Variants in DLD observed in about 807,000 individuals in gnomAD.
DLD encodes the protein dihydrolipoyl dehydrogenase, mitochondrial.
A neutral mutation model predicts 62.2 loss-of-function variants in DLD; 36 were observed. That is an observed-to-expected ratio of 0.58 (90% confidence interval 0.44 to 0.76). The LOEUF (loss-of-function observed/expected upper bound fraction) is 0.76. DLD is among the 30% of genes least tolerant of loss of function. The pLI, the probability that DLD is intolerant of heterozygous loss-of-function variation, is 0.00. For missense variants in DLD, 541 were observed against 608.6 expected, an observed-to-expected ratio of 0.89 and a Z score of 1.17; for synonymous variants, 204 against 199.6, an observed-to-expected ratio of 1.02 and a Z score of -0.19.
chr7:107,909,446 A>C (rs2032086500), intron 8 of DLD, among the ~76,000 whole-genome samples: 1 of 152,240 alleles, frequency 6.6e-6, no homozygotes. Flanking sequence ...CTGACAGTAC[A>C]GTCTTTCACC....
rs780689525 is a variant in DLD, at chr7:107,919,062, C to G, written c.1427C>G (p.Ser476Cys). The change falls in exon 13 of 14, where the codon TCC becomes TGC. Residue 476 changes from serine to cysteine, a missense_variant. Transcript: ENST00000205402. ...EAALALEYGA[S>C]CEDIARVCHA... ...GCTCTTGCTTTGGAATATGGAGCAT[C>G]CTGTGAAGATATAGCTAGAGTCTGT... 5.6e-6 allele frequency: 9 copies of G among 1,613,794 alleles called. No homozygotes were observed. The highest frequency in any genetic ancestry group is 7.6e-6 in the Non-Finnish European group (9 of 1,179,862).
At chr7:107,908,477 G>A (rs1314174192) in intron 8 of DLD, among the ~76,000 whole-genome samples, 1 of 151,844 alleles carries the variant, frequency 6.6e-6, no homozygotes, top group African/African-American at 2.4e-5. Flanking sequence ...AGACTAGCCT[G>A]GGCAACAATG....
At chr7:107,896,387 T>G (rs1352240430) in intron 2 of DLD, among the ~76,000 whole-genome samples, 7 of 152,202 alleles carry the variant, frequency 4.6e-5, no homozygotes, top group African/African-American at 7.2e-5. Context: ...TCTCTGATCC[T>G]CACAACCCTA....
chr7:107,891,415 C>G, intron 1 of DLD, 126 bp downstream of exon 1: 1 of 1,063,408 alleles, frequency 9.4e-7, no homozygotes, highest in African/African-American at 1.6e-5. Flanking sequence ...CCACCCCTGG[C>G]CCCGCCTCTG....
At chr7:107,905,784 G>A in intron 7 of DLD, 1 of 444,344 alleles carries the variant, frequency 2.3e-6, no homozygotes, top group Non-Finnish European at 4.1e-6. Flanking sequence ...TTTTTAATGG[G>A]ATTTGATGAA....
intron 2 of DLD, among the ~76,000 whole-genome samples, chr7:107,896,612 A>C (rs2031730905): frequency 6.6e-6 from 1 of 152,332 alleles, no homozygotes; most frequent in Non-Finnish European, 1.5e-5. Flanking sequence ...GTTTTGGGTG[A>C]TAACAAGTAT....
At chr7:107,891,486 C>T in intron 1 of DLD, 197 bp downstream of exon 1, 1 of 645,142 alleles carries the variant, frequency 1.6e-6, no homozygotes, top group Non-Finnish European at 2.7e-6. Context: ...AGGCGAGGGA[C>T]GGGGCTGGGC....
At chr7:107,895,387 C>A (rs2031695136) in intron 2 of DLD, among the ~76,000 whole-genome samples, 2 of 152,196 alleles carry the variant, frequency 1.3e-5, no homozygotes, top group South Asian at 4.1e-4. Context: ...TCTGAATAGC[C>A]TTATGAACCA....
chr7:107,891,373 T>G, intron 1 of DLD, 84 bp downstream of exon 1: 6 of 1,465,328 alleles, frequency 4.1e-6, no homozygotes, highest in Non-Finnish European at 5.5e-6. Context: ...CTTAACCGTG[T>G]TGGGCTGGCG....
Position 107,905,026 on chromosome 7 carries a change from G to C in DLD, c.406G>C (p.Gly136Arg). 5 of 1,612,764 alleles carry C rather than the reference G, an allele frequency of 3.1e-6. No individual in the cohort carries two copies. The highest frequency in any genetic ancestry group is 4.2e-6 in the Non-Finnish European group (5 of 1,179,136). The change falls in exon 6 of 14, where the codon GGT (glycine) becomes CGT (arginine). Residue 136 changes from glycine to arginine, a missense_variant. By Grantham distance (125) the Gly-to-Arg change is moderately radical. Coordinates refer to ENST00000205402, the MANE Select transcript of DLD (RefSeq NM_000108.5). ...GAGTACTGCAGTAAAAGCTTTAACA[G>C]GTGGAATTGCCCACTTATTCAAACA... Reference protein sequence around the residue: ...QKSTAVKALTGGIAHLFKQNK... With the variant: ...QKSTAVKALTRGIAHLFKQNK...
At chr7:107,915,864 T>C (rs1455478318) in intron 9 of DLD, among the ~76,000 whole-genome samples, 168 bp downstream of exon 9, 1 of 152,170 alleles carries the variant, frequency 6.6e-6, no homozygotes, top group Non-Finnish European at 1.5e-5. Flanking sequence ...ACATTGAAAT[T>C]TATGATTAGG....
intron 2 of DLD, among the ~76,000 whole-genome samples, chr7:107,894,037 A>G (rs545836408): frequency 6.6e-6 from 1 of 152,368 alleles, no homozygotes; most frequent in South Asian, 2.1e-4. Context: ...TTTAAAGATT[A>G]GCAGGATCTA....
At position 107,903,496 on chromosome 7, in the gene DLD, CATT is replaced by C; in HGVS notation, c.291_293del (p.Tyr98del). 6.3e-7 allele frequency: 1 copy of C among 1,590,760 alleles called. No homozygotes were observed. The highest frequency in any genetic ancestry group is 8.6e-7 in the Non-Finnish European group (1 of 1,159,414). On this transcript the variant is annotated inframe_deletion, in exon 5 of 14. Transcript: ENST00000205402. Reference sequence around the variant, plus strand: ...CCTTTAGGCTTTATTGAACAACTCTCATTATTACCATATGGCCCATGGAAAAGA... The same window carrying C: ...CCTTTAGGCTTTATTGAACAACTCTCATTACCATATGGCCCATGGAAAAGA...
chr7:107,905,638 G>A (rs2031988238), intron 7 of DLD, 134 bp downstream of exon 7: 3 of 951,356 alleles, frequency 3.2e-6, no homozygotes, highest in Non-Finnish European at 4.9e-6. Context: ...TCAGCTTTGG[G>A]AAGTTACCTG....
At chr7:107,909,346 T>G (rs1248252633) in intron 8 of DLD, among the ~76,000 whole-genome samples, 2 of 152,232 alleles carry the variant, frequency 1.3e-5, no homozygotes, top group African/African-American at 4.8e-5. Context: ...TGCAGTCCCA[T>G]CATCTGATCT....
At chr7:107,901,860 G>A (rs1373141230) in intron 3 of DLD, 43 bp downstream of exon 3, 2 of 1,511,382 alleles carry the variant, frequency 1.3e-6, no homozygotes, top group Non-Finnish European at 1.8e-6. Context: ...ATTTTAATTT[G>A]GGAAGGGTTG....
chr7:107,906,419 T>G (rs1365994905), intron 8 of DLD, 51 bp downstream of exon 8: 1 of 1,174,092 alleles, frequency 8.5e-7, no homozygotes, highest in Non-Finnish European at 1.3e-6. Context: ...TGGAAGGGAC[T>G]TAAAGGTCCC....
intron 2 of DLD, among the ~76,000 whole-genome samples, chr7:107,895,556 T>C (rs1386671272): frequency 6.6e-6 from 1 of 152,258 alleles, no homozygotes; most frequent in African/African-American, 2.4e-5. Flanking sequence ...CAAATACTAA[T>C]ATCTACTATG....
At chr7:107,891,652 C>G (rs952788262) in intron 1 of DLD, 22 of 411,652 alleles carry the variant, frequency 5.3e-5, no homozygotes, top group Non-Finnish European at 9.0e-5. Context: ...GCTTTTTATA[C>G]CATTTGCCTT....
Sources: allele counts gnomAD v4.1 joint callset (sites outside exome capture counted in the v4.1 genomes callset), GRCh38; gene constraint gnomAD v4.1.1; transcripts MANE v1.5; gene names NCBI Gene and HGNC (gene_info 2026-07-23, HGNC 2026-07-21).